CSMD1: variants seen among roughly 807,000 people sequenced by gnomAD.
The protein encoded by CSMD1 is CUB and sushi domain-containing protein 1.
In CSMD1, 213 loss-of-function variants were observed where a neutral mutation model predicts 417.5. The ratio of observed to expected loss-of-function variants is 0.51; its 90% CI spans 0.46 to 0.57. The LOEUF (loss-of-function observed/expected upper bound fraction) is 0.57, where lower values mean the gene tolerates loss of function less well. CSMD1 is among the 20% of genes least tolerant of loss of function. CSMD1 has a pLI of 0.00. For missense variants in CSMD1, 6,923 were observed against 4,529.7 expected, an observed-to-expected ratio of 1.53 and a Z score of -15.17; for synonymous variants, 2,862 against 1,736.8, an observed-to-expected ratio of 1.65 and a Z score of -16.11.
At chr8:3,026,985 G>T (rs1213072841) in intron 51 of CSMD1, among the ~76,000 whole-genome samples, 2 of 152,036 alleles carry the variant, frequency 1.3e-5, no homozygotes, top group African/African-American at 4.8e-5. Flanking sequence ...GGCCATTAAG[G>T]CTTGTAAATT....
intron 26 of CSMD1, among the ~76,000 whole-genome samples, chr8:3,241,167 T>A (rs531061440): frequency 6.6e-6 from 1 of 151,624 alleles, no homozygotes; most frequent in Non-Finnish European, 1.5e-5. Flanking sequence ...AAGCAGATAA[T>A]TTAGTTAAAG....
chr8:3,538,170 T>C (rs188307351), intron 10 of CSMD1, among the ~76,000 whole-genome samples: 2 of 152,258 alleles, frequency 1.3e-5, no homozygotes, highest in East Asian at 3.9e-4. Context: ...AAAAATTACA[T>C]GACGGATCAA....
At chr8:3,164,209 A>C (rs1030972470) in intron 37 of CSMD1, among the ~76,000 whole-genome samples, 4 of 152,218 alleles carry the variant, frequency 2.6e-5, no homozygotes, top group African/African-American at 9.6e-5. Flanking sequence ...GCAGTGGTAC[A>C]TAAACTAGTT....
chr8:3,871,501 A>C (rs950064582), intron 5 of CSMD1, among the ~76,000 whole-genome samples: 18 of 152,164 alleles, frequency 1.2e-4, no homozygotes, highest in African/African-American at 4.3e-4. Flanking sequence ...CTTAATAAAC[A>C]TTTGTATCTC....
chr8:4,156,773 A>C (rs1647288), intron 3 of CSMD1, among the ~76,000 whole-genome samples: 2 of 152,158 alleles, frequency 1.3e-5, no homozygotes, highest in Admixed American at 1.3e-4. Context: ...CAGACAGTAC[A>C]GACTTTTGGG....
At chr8:3,310,282 G>A (rs960653239) in intron 23 of CSMD1, among the ~76,000 whole-genome samples, 1 of 152,190 alleles carries the variant, frequency 6.6e-6, no homozygotes, top group African/African-American at 2.4e-5. Flanking sequence ...GCTCATTTCT[G>A]TTTTCGCAGA....
chr8:4,921,875 G>A lies in CSMD1; in HGVS notation c.85+72457C>T, dbSNP rs371252864. On this transcript the variant is annotated intron_variant, in intron 1 of 69. Coordinates refer to ENST00000635120, the MANE Select transcript of CSMD1 (RefSeq NM_033225.6). Reference sequence around the variant, plus strand: ...TCTGAGAGAAAACCCAAGAGTGACTGTATTCACTCAGAATTGAACCTTCCA... The same window carrying A: ...TCTGAGAGAAAACCCAAGAGTGACTATATTCACTCAGAATTGAACCTTCCA... Among the ~76,000 whole-genome samples the A allele has an allele frequency of 6.6e-4, 100 of 152,282 alleles. 2 individuals are homozygous for A. In the South Asian group the frequency reaches 0.02, roughly 30 times the overall value.
intron 3 of CSMD1, among the ~76,000 whole-genome samples, chr8:4,258,388 G>A (rs866266172): frequency 1.8e-4 from 1 of 5,632 alleles, no homozygotes; most frequent in Non-Finnish European, 3.8e-4. Context: ...GGAGGGAGGG[G>A]AGGATGGAAG....
chr8:3,635,341 G>A lies in CSMD1; in HGVS notation c.1010-18544C>T, dbSNP rs866721863. Among the ~76,000 whole-genome samples, 6 of 152,054 alleles carry A rather than the reference G, an allele frequency of 3.9e-5. No homozygotes were observed. In the South Asian group the frequency reaches 1.0e-3, roughly 26 times the overall value. On this transcript the variant is annotated intron_variant, in intron 7 of 69. Transcript: ENST00000635120. ...ATACAAAAATTAGCCAGGCAAAGTG[G>A]TGCACACCTGTAATCCCAGCTACTC... is the stretch of plus-strand genomic sequence containing the variant.
intron 5 of CSMD1, among the ~76,000 whole-genome samples, chr8:3,798,317 T>G (rs6987621): frequency 0.26 from 39,378 of 151,892 alleles, 5,878 homozygotes; most frequent in Non-Finnish European, 0.34. Context: ...TTCGTCTATC[T>G]TAAGACAACT....
rs77370034 is a variant in CSMD1, at chr8:3,944,853, C to T, written c.818+53050G>A. Among the ~76,000 whole-genome samples, 608 of 152,264 alleles carry T rather than the reference C, an allele frequency of 4.0e-3. 8 individuals carry two copies. The highest frequency in any genetic ancestry group is 0.014 in the African/African-American group (574 of 41,570). ...ATTAGAGCTAGTTCTATGAGTTGGC[C>T]ACAGCTCTGACAGTTGATTCTGGGT... is the stretch of plus-strand genomic sequence containing the variant. On this transcript the variant is annotated intron_variant, in intron 5 of 69. Coordinates refer to ENST00000635120, the MANE Select transcript of CSMD1 (RefSeq NM_033225.6).
chr8:3,983,739 G>T (rs544964724), intron 5 of CSMD1, among the ~76,000 whole-genome samples: 7 of 152,336 alleles, frequency 4.6e-5, no homozygotes, highest in Admixed American at 2.6e-4. Context: ...TGTTCCCCTA[G>T]TCTGGTAGCA....
chr8:3,848,938 GAT>G (rs151218208), intron 5 of CSMD1, among the ~76,000 whole-genome samples: 1 of 150,276 alleles, frequency 6.7e-6, no homozygotes, highest in Non-Finnish European at 1.5e-5. Flanking sequence ...ATATATATAT[GAT>G]ATATATATGT....
intron 57 of CSMD1, among the ~76,000 whole-genome samples, chr8:2,971,666 T>C (rs1804467626): frequency 6.6e-6 from 1 of 152,194 alleles, no homozygotes; most frequent in South Asian, 2.1e-4. Flanking sequence ...TGAGAAAACA[T>C]TGCTCTCATG....
intron 18 of CSMD1, among the ~76,000 whole-genome samples, 163 bp from the exon 19 acceptor site, chr8:3,369,533 T>G (rs564312622): frequency 1.3e-5 from 2 of 152,334 alleles, no homozygotes; most frequent in South Asian, 2.1e-4. Flanking sequence ...CTTGCAAATA[T>G]CATATGCTAG....
At chr8:3,430,386 G>C (rs910697835) in intron 12 of CSMD1, among the ~76,000 whole-genome samples, 1 of 152,074 alleles carries the variant, frequency 6.6e-6, no homozygotes, top group Non-Finnish European at 1.5e-5. Flanking sequence ...AGTGGAAGCT[G>C]TATCTGTCTT....
intron 2 of CSMD1, among the ~76,000 whole-genome samples, chr8:4,423,489 A>G (rs986331303): frequency 2.0e-5 from 3 of 152,148 alleles, no homozygotes; most frequent in Non-Finnish European, 2.9e-5. Flanking sequence ...TATAAATACA[A>G]TAAGATAAGC....
intron 2 of CSMD1, among the ~76,000 whole-genome samples, chr8:4,529,351 C>A (rs1482467125): frequency 2.6e-5 from 4 of 152,156 alleles, no homozygotes; most frequent in African/African-American, 9.6e-5. Flanking sequence ...GCTGTTAAAG[C>A]AGGCATTAAT....
At chr8:4,213,888 A>C (rs1563284776) in intron 3 of CSMD1, among the ~76,000 whole-genome samples, 1 of 152,246 alleles carries the variant, frequency 6.6e-6, no homozygotes, top group African/African-American at 2.4e-5. Context: ...GAGGTCCTAC[A>C]GATACTAATG....
Sources: allele counts gnomAD v4.1 joint callset (sites outside exome capture counted in the v4.1 genomes callset), GRCh38; gene constraint gnomAD v4.1.1; transcripts MANE v1.5; gene names NCBI Gene and HGNC (gene_info 2026-07-23, HGNC 2026-07-21).